The following HDAC9 variants were observed in gnomAD, a reference collection of about 807,000 sequenced individuals.
HDAC9 encodes the protein MEF-2 interacting transcription repressor (MITR) protein.
HDAC9 carries 41 observed loss-of-function variants against 139.4 expected under a neutral mutation model. That is an observed-to-expected ratio of 0.29 (90% CI 0.23 to 0.38). The LOEUF (loss-of-function observed/expected upper bound fraction) is 0.38, where lower values mean the gene tolerates loss of function less well. Among genes scored for constraint, HDAC9 ranks in the 10% least tolerant of loss-of-function variants. The pLI is 1.00. For missense variants in HDAC9, 1,147 were observed against 1,297.0 expected (o/e 0.88, Z 1.78); for synonymous variants, 517 against 476.2 (o/e 1.09, Z -1.12).
chr7:18,648,451 T>A lies in HDAC9; in HGVS notation c.1250-15T>A. On this transcript the variant is annotated splice_polypyrimidine_tract_variant and intron_variant, in intron 10 of 25. Coordinates refer to ENST00000686413, the MANE Select transcript of HDAC9 (RefSeq NM_178425.4). ...GTGTGTGTATACACACATATACATG[T>A]ATTTTTTTTTTCAGGTGGAGTTCCC... 6.4e-7 allele frequency: 1 copy of A among 1,565,920 alleles called. No homozygotes were observed. The highest frequency in any genetic ancestry group is 8.8e-7 in the Non-Finnish European group (1 of 1,136,566).
chr7:18,770,088 C>G (rs1275986826), intron 16 of HDAC9, among the ~76,000 whole-genome samples: 1 of 152,134 alleles, frequency 6.6e-6, no homozygotes, highest in Non-Finnish European at 1.5e-5. Context: ...ATCTCTACTT[C>G]TCATTAAAAT....
chr7:18,244,659 G>A (rs556030679), intron 2 of HDAC9, among the ~76,000 whole-genome samples: 36 of 152,164 alleles, frequency 2.4e-4, no homozygotes, highest in African/African-American at 7.7e-4. Context: ...TTATCTGGGC[G>A]TGGTGGCGGG....
At chr7:18,087,440 A>T (rs1781870719) in intron 1 of HDAC9, among the ~76,000 whole-genome samples, 1 of 152,206 alleles carries the variant, frequency 6.6e-6, no homozygotes, top group Non-Finnish European at 1.5e-5. Flanking sequence ...TCTTTGTGGC[A>T]TGCAGACCCT....
chr7:18,743,106 T>A (rs760386695), intron 13 of HDAC9, among the ~76,000 whole-genome samples: 8 of 152,226 alleles, frequency 5.3e-5, no homozygotes, highest in Non-Finnish European at 8.8e-5. Flanking sequence ...TTCTTGAATG[T>A]AGAAAAGCTT....
rs1007311470 is a variant in HDAC9 at position 18,829,558 on chromosome 7, C to A, written c.2466+10C>A. 1.3e-6 allele frequency: 2 copies of A among 1,523,968 alleles called. No homozygotes were observed. 94.4% of individuals were successfully genotyped at this position (1,523,968 alleles called of 1,614,324 possible). A position where few individuals can be genotyped will look rare whatever the true frequency, so the allele number is the denominator to read the frequency against. The stretch of plus-strand genomic sequence containing the variant: ...ATTGATTGTAGATCTGGTATGTATT[C>A]CTGGCCAGAGCTGCATTTTCAGTGA... On this transcript the variant is annotated intron_variant, in intron 19 of 25. Coordinates refer to ENST00000686413, the MANE Select transcript of HDAC9 (RefSeq NM_178425.4).
At chr7:18,246,075 G>T (rs1794502068) in intron 2 of HDAC9, among the ~76,000 whole-genome samples, 1 of 149,620 alleles carries the variant, frequency 6.7e-6, no homozygotes, top group African/African-American at 2.5e-5. Context: ...TTTCATTCTA[G>T]CCAAGGAGAC....
intron 2 of HDAC9, among the ~76,000 whole-genome samples, chr7:18,189,816 C>G (rs1014756679): frequency 4.6e-5 from 7 of 152,168 alleles, no homozygotes; most frequent in African/African-American, 1.7e-4. Flanking sequence ...AAATTGAATC[C>G]TCCAAAGAAG....
intron 1 of HDAC9, among the ~76,000 whole-genome samples, chr7:18,447,202 T>C (rs1792375759): frequency 6.6e-6 from 1 of 151,754 alleles, no homozygotes. Flanking sequence ...AAACAAAAAA[T>C]AACAGAGAGT....
At chr7:18,687,013 T>C (rs1256647320) in intron 12 of HDAC9, among the ~76,000 whole-genome samples, 2 of 151,862 alleles carry the variant, frequency 1.3e-5, no homozygotes, top group African/African-American at 2.4e-5. Context: ...AGATGTTAGG[T>C]ACTACATGAT....
chr7:18,346,645 A>C (rs1475896816), intron 1 of HDAC9, among the ~76,000 whole-genome samples: 1 of 152,212 alleles, frequency 6.6e-6, no homozygotes, highest in Non-Finnish European at 1.5e-5. Context: ...ATATACTCTC[A>C]GAATCTTCTC....
chr7:18,668,802 T>G, intron 12 of HDAC9: 1 of 983,152 alleles, frequency 1.0e-6, no homozygotes. Context: ...TGCCTTCTGT[T>G]ATAAGTCTCT....
chr7:18,936,648 ATAT>A (rs1382939075), intron 23 of HDAC9, among the ~76,000 whole-genome samples: 1 of 152,194 alleles, frequency 6.6e-6, no homozygotes, highest in African/African-American at 2.4e-5. Context: ...GTATTCATTA[ATAT>A]TATCCATTAA....
At chr7:18,379,919 T>C (rs890693758) in intron 1 of HDAC9, among the ~76,000 whole-genome samples, 1 of 152,210 alleles carries the variant, frequency 6.6e-6, no homozygotes, top group African/African-American at 2.4e-5. Context: ...ATTTGGGTCT[T>C]GCAGCTGGCT....
intron 2 of HDAC9, among the ~76,000 whole-genome samples, chr7:18,169,192 C>T (rs1788230325): frequency 6.6e-6 from 1 of 152,126 alleles, no homozygotes; most frequent in Non-Finnish European, 1.5e-5. Flanking sequence ...CCACCTCGGC[C>T]TCCCAAAGTG....
intron 13 of HDAC9, among the ~76,000 whole-genome samples, chr7:18,747,157 A>G (rs561082861): frequency 1.1e-4 from 17 of 152,296 alleles, no homozygotes; most frequent in Admixed American, 7.2e-4. Context: ...AGAGGGAGAT[A>G]TATGAATTGA....
intron 2 of HDAC9, among the ~76,000 whole-genome samples, chr7:18,200,795 T>C (rs532550722): frequency 6.6e-5 from 10 of 152,294 alleles, no homozygotes; most frequent in Non-Finnish European, 1.0e-4. Flanking sequence ...TAATTCGTTA[T>C]TATAATTTTT....
At chr7:18,427,942 G>A (rs1344227798) in intron 1 of HDAC9, among the ~76,000 whole-genome samples, 2 of 152,006 alleles carry the variant, frequency 1.3e-5, no homozygotes, top group Non-Finnish European at 2.9e-5. Context: ...GCTTTTGTGA[G>A]TTTGACTGTT....
At chr7:18,332,800 A>C (rs1368224196) in intron 1 of HDAC9, among the ~76,000 whole-genome samples, 1 of 151,584 alleles carries the variant, frequency 6.6e-6, no homozygotes, top group Non-Finnish European at 1.5e-5. Context: ...ACTGTGAGCT[A>C]ATAGTTTTGT....
chr7:18,437,405 T>A (rs1383568938), intron 1 of HDAC9, among the ~76,000 whole-genome samples: 2 of 152,096 alleles, frequency 1.3e-5, no homozygotes, highest in Non-Finnish European at 2.9e-5. Context: ...ATTTCAAGCC[T>A]TTGCATCTTT....
Sources: gnomAD v4.1 joint callset for allele counts (sites outside exome capture counted in the v4.1 genomes callset) on GRCh38, gnomAD v4.1.1 for gene constraint, MANE v1.5 for transcripts, NCBI Gene and HGNC (gene_info 2026-07-23, HGNC 2026-07-21) for gene names.